RAB38: variants seen among roughly 807,000 people sequenced by gnomAD.
The protein encoded by RAB38 is ras-related protein Rab-38.
In RAB38, 15 loss-of-function variants were observed where a neutral mutation model predicts 18.4. That is an observed-to-expected ratio of 0.82 (90% CI 0.55 to 1.26). The LOEUF (loss-of-function observed/expected upper bound fraction) is 1.26. RAB38 is among the 50% of genes most tolerant of loss of function. The pLI is 0.00. For synonymous variants in RAB38, 101 were observed against 104.4 expected, an observed-to-expected ratio of 0.97 and a Z score of 0.20; for missense variants, 294 against 267.4, an observed-to-expected ratio of 1.10 and a Z score of -0.69.
At chr11:88,059,868 G>A in the RAB38 span, among the ~76,000 whole-genome samples, 3 of 152,202 alleles carry the variant, frequency 2.0e-5, no homozygotes, top group African/African-American at 7.2e-5. Flanking sequence ...GTTGCAGCAG[G>A]TGCAGATGCA....
At chr11:88,166,296 C>T (rs1006965417) in intron 1 of RAB38, 2 of 152,146 alleles carry the variant, frequency 1.3e-5, no homozygotes, top group Non-Finnish European at 2.9e-5. Flanking sequence ...TCCTCTTCTC[C>T]ACTGCACGAA....
the RAB38 span, among the ~76,000 whole-genome samples, chr11:88,081,908 AC>A: frequency 6.6e-6 from 1 of 151,934 alleles, no homozygotes; most frequent in East Asian, 1.9e-4. Context: ...AGTATACCTT[AC>A]TACTTGGCAA....
the RAB38 span, among the ~76,000 whole-genome samples, chr11:87,873,922 G>GTGTGTA: frequency 2.2e-4 from 23 of 103,118 alleles, no homozygotes; most frequent in Admixed American, 6.1e-4. Flanking sequence ...GTGTGTGTGT[G>GTGTGTA]TATATATATA....
At chr11:87,940,402 C>T in the RAB38 span, among the ~76,000 whole-genome samples, 2 of 151,958 alleles carry the variant, frequency 1.3e-5, no homozygotes, top group African/African-American at 4.8e-5. Flanking sequence ...ATATCTGTTA[C>T]TAAAATGATC....
At chr11:87,849,771 T>C in the RAB38 span, among the ~76,000 whole-genome samples, 2 of 152,186 alleles carry the variant, frequency 1.3e-5, no homozygotes, top group East Asian at 1.9e-4. Context: ...AATAGGTAAG[T>C]GTCATAGAAC....
chr11:88,108,440 C>T (rs187217763), downstream of RAB38, among the ~76,000 whole-genome samples: 604 of 152,130 alleles, frequency 4.0e-3, 3 homozygotes, highest in Non-Finnish European at 5.5e-3. Context: ...AGGATTGCAA[C>T]CCGGTTTTTG....
At chr11:88,053,980 TCAC>T in the RAB38 span, among the ~76,000 whole-genome samples, 2 of 152,268 alleles carry the variant, frequency 1.3e-5, no homozygotes, top group South Asian at 4.1e-4. Flanking sequence ...TTTGCACATC[TCAC>T]ATTTTCCTTT....
At chr11:87,888,944 C>T in the RAB38 span, among the ~76,000 whole-genome samples, 2 of 151,886 alleles carry the variant, frequency 1.3e-5, no homozygotes, top group Admixed American at 6.6e-5. Flanking sequence ...CATTGTGATG[C>T]TTAGACAAAA....
At chr11:87,804,662 C>T in the RAB38 span, among the ~76,000 whole-genome samples, 27 of 152,116 alleles carry the variant, frequency 1.8e-4, 1 homozygote, top group East Asian at 5.0e-3. Flanking sequence ...CAAGAAATAC[C>T]TTTCTTATGG....
intron 1 of RAB38, chr11:88,165,878 T>G (rs189499944): frequency 6.6e-6 from 1 of 151,830 alleles, no homozygotes; most frequent in East Asian, 1.9e-4. Flanking sequence ...TGAAGGAAAT[T>G]TGGATAGATA....
the RAB38 span, among the ~76,000 whole-genome samples, chr11:87,884,695 C>G: frequency 6.6e-6 from 1 of 151,906 alleles, no homozygotes; most frequent in African/African-American, 2.4e-5. Flanking sequence ...ACTTTAGTCT[C>G]TATGACTAGA....
the RAB38 span, among the ~76,000 whole-genome samples, chr11:87,829,375 C>A: frequency 1.3e-5 from 2 of 152,144 alleles, no homozygotes; most frequent in Admixed American, 1.3e-4. Flanking sequence ...CTATAAATTA[C>A]CTGAGACTGG....
the RAB38 span, among the ~76,000 whole-genome samples, chr11:87,877,092 G>T: frequency 1.1e-4 from 16 of 151,594 alleles, no homozygotes; most frequent in South Asian, 6.2e-4. Context: ...GGACAGATAG[G>T]TGTCATCTTT....
At chr11:88,037,931 A>AT in the RAB38 span, among the ~76,000 whole-genome samples, 8 of 152,312 alleles carry the variant, frequency 5.3e-5, no homozygotes, top group African/African-American at 1.9e-4. Flanking sequence ...TCCAAAAGGT[A>AT]TAAACAATCA....
At chr11:87,922,542 T>G in the RAB38 span, among the ~76,000 whole-genome samples, 1 of 149,652 alleles carries the variant, frequency 6.7e-6, no homozygotes, top group Non-Finnish European at 1.5e-5. Flanking sequence ...ATTCAAATTT[T>G]CCAAGCCTCA....
chr11:88,140,042 A>G (rs1942887132), intron 2 of RAB38, among the ~76,000 whole-genome samples: 2 of 152,260 alleles, frequency 1.3e-5, no homozygotes, highest in Non-Finnish European at 2.9e-5. Context: ...TGGAGTGTGA[A>G]GGAGGAATGA....
At chr11:88,063,903 G>A in the RAB38 span, among the ~76,000 whole-genome samples, 613 of 152,300 alleles carry the variant, frequency 4.0e-3, 4 homozygotes, top group African/African-American at 0.014. Context: ...GTCTTTATCA[G>A]CAGCATGAGA....
chr11:88,173,014 T>G (rs1018002663), intron 1 of RAB38, among the ~76,000 whole-genome samples: 3 of 152,216 alleles, frequency 2.0e-5, no homozygotes, highest in African/African-American at 7.2e-5. Flanking sequence ...ATTTCTTATT[T>G]ATACAGACTT....
At chr11:87,964,804 A>T in the RAB38 span, among the ~76,000 whole-genome samples, 1 of 152,194 alleles carries the variant, frequency 6.6e-6, no homozygotes, top group East Asian at 1.9e-4. Flanking sequence ...TTCAGATTAC[A>T]AAAACATATG....
Sources: gnomAD v4.1 joint callset for allele counts (sites outside exome capture counted in the v4.1 genomes callset) on GRCh38, gnomAD v4.1.1 for gene constraint, MANE v1.5 for transcripts, NCBI Gene and HGNC (gene_info 2026-07-23, HGNC 2026-07-21) for gene names.